Variants in IL36B observed in about 807,000 individuals in gnomAD.
The protein encoded by IL36B is interleukin-36 beta.
Under a neutral mutation model 19.3 loss-of-function variants are expected in IL36B, and 23 were observed. The ratio of observed to expected loss-of-function variants is 1.19; its 90% CI spans 0.86 to 1.69. The LOEUF (loss-of-function observed/expected upper bound fraction) is 1.69, where lower values mean the gene tolerates loss of function less well. Ranked by LOEUF, IL36B falls within the 40% of genes most tolerant of loss-of-function variation. The pLI is 0.00. For missense variants in IL36B, 217 were observed against 200.5 expected, an observed-to-expected ratio of 1.08 and a Z score of -0.50; for synonymous variants, 59 against 59.7, an observed-to-expected ratio of 0.99 and a Z score of 0.05.
intron 1 of IL36B, among the ~76,000 whole-genome samples, chr2:113,045,296 T>C (rs1021254688): frequency 3.9e-5 from 6 of 152,202 alleles, no homozygotes; most frequent in Admixed American, 2.6e-4. Context: ...GTTGCTCTAC[T>C]GCTTTCTCAC....
At chr2:113,045,129 C>A (rs1685327805) in intron 1 of IL36B, among the ~76,000 whole-genome samples, 1 of 152,032 alleles carries the variant, frequency 6.6e-6, no homozygotes, top group Non-Finnish European at 1.5e-5. Flanking sequence ...ATTTCTGGAG[C>A]TTATTTTCTG....
At chr2:113,039,271 T>A (rs1685206512) in intron 1 of IL36B, among the ~76,000 whole-genome samples, 1 of 151,798 alleles carries the variant, frequency 6.6e-6, no homozygotes. Flanking sequence ...GACAAAAAGA[T>A]CCCCAGGGTG....
At chr2:113,042,142 G>T (rs913569698) in intron 1 of IL36B, among the ~76,000 whole-genome samples, 1 of 152,140 alleles carries the variant, frequency 6.6e-6, no homozygotes, top group African/African-American at 2.4e-5. Flanking sequence ...TGTATCTGAG[G>T]CACCTGTTCA....
intron 1 of IL36B, among the ~76,000 whole-genome samples, chr2:113,051,760 G>A (rs968138708): frequency 1.3e-5 from 2 of 152,182 alleles, no homozygotes; most frequent in African/African-American, 4.8e-5. Context: ...CGGCTCCCTG[G>A]AGGCTGTGTC....
chr2:113,028,684 G>C (rs1234561997), intron 4 of IL36B, among the ~76,000 whole-genome samples: 1 of 152,142 alleles, frequency 6.6e-6, no homozygotes, highest in East Asian at 1.9e-4. Context: ...AGAAAATACT[G>C]TTCTTTGGCT....
intron 1 of IL36B, among the ~76,000 whole-genome samples, chr2:113,050,710 C>CA (rs1476402414): frequency 1.3e-5 from 2 of 151,898 alleles, no homozygotes; most frequent in African/African-American, 4.8e-5. Context: ...TCAAAAACAG[C>CA]AAAAAGGGAC....
chr2:113,023,267 ATATTTGT>A (rs1477987333), intron 5 of IL36B, among the ~76,000 whole-genome samples: 3 of 152,196 alleles, frequency 2.0e-5, no homozygotes, highest in African/African-American at 7.2e-5. Flanking sequence ...TGCTCAAAAC[ATATTTGT>A]TGAATAATTC....
chr2:113,051,722 G>A lies in IL36B; in HGVS notation c.-58+1095C>T, dbSNP rs571450234. On this transcript the variant is annotated intron_variant, in intron 1 of 5. Transcript: ENST00000259213. ...TGGCTGGGTTGGAGAGGGAGTCCTG[G>A]ATGCAGCTGGAGGTCCCCTTCTGCT... is the stretch of plus-strand genomic sequence containing the variant. Among the ~76,000 whole-genome samples the A allele has an allele frequency of 6.6e-5, 10 of 152,306 alleles. No homozygotes were observed. The East Asian group carries it at 9.7e-4, about 15-fold the overall frequency.
intron 4 of IL36B, among the ~76,000 whole-genome samples, 196 bp downstream of exon 4, chr2:113,028,743 T>G (rs923631294): frequency 6.6e-6 from 1 of 152,242 alleles, no homozygotes; most frequent in African/African-American, 2.4e-5. Context: ...AGAGGATCTA[T>G]GCTCTGACAT....
chr2:113,040,781 A>G, intron 1 of IL36B, among the ~76,000 whole-genome samples: 1 of 152,288 alleles, frequency 6.6e-6, no homozygotes, highest in East Asian at 1.9e-4. Context: ...ATGAATTAAA[A>G]GACTGAATAT....
intron 1 of IL36B, among the ~76,000 whole-genome samples, chr2:113,043,813 C>T (rs1241293231): frequency 1.3e-5 from 2 of 152,162 alleles, no homozygotes; most frequent in African/African-American, 2.4e-5. Flanking sequence ...CTAGGTCTCC[C>T]AAAGTGCTGG....
chr2:113,025,263 C>A (rs1299007204), intron 5 of IL36B, among the ~76,000 whole-genome samples: 1 of 152,178 alleles, frequency 6.6e-6, no homozygotes, highest in African/African-American at 2.4e-5. Flanking sequence ...TCTGAGCAGC[C>A]TTTCTATGTT....
intron 1 of IL36B, among the ~76,000 whole-genome samples, chr2:113,042,356 G>A (rs1033622099): frequency 2.1e-4 from 12 of 56,452 alleles, no homozygotes; most frequent in African/African-American, 8.6e-4. Flanking sequence ...ACAATAAACG[G>A]CGCAAAATAT....
At position 113,044,260 on chromosome 2, in the gene IL36B, A is replaced by ATGTGTGTGTG. The variant is rs56838257; in HGVS notation, c.-58+8547_-58+8556dup. ...TTTACTTTGATATATCTATATCTAT[A>ATGTGTGTGTG]TGTGTGTGTGTGTGTGTGTGTGTGT... On this transcript the variant is annotated intron_variant, in intron 1 of 5. Coordinates refer to ENST00000259213, the MANE Select transcript of IL36B (RefSeq NM_014438.5). Among the ~76,000 whole-genome samples, 48 of 142,544 alleles carry ATGTGTGTGTG rather than the reference A, an allele frequency of 3.4e-4. 2 individuals carry two copies. The highest frequency in any genetic ancestry group is 6.1e-4 in the Non-Finnish European group (40 of 65,296). 93.5% of individuals were successfully genotyped at this position (142,544 alleles called of 152,430 possible). A position where few individuals can be genotyped will look rare whatever the true frequency, so the allele number is the denominator to read the frequency against.
At chr2:113,033,272 G>A (rs751892846) in intron 1 of IL36B, among the ~76,000 whole-genome samples, 11 of 152,050 alleles carry the variant, frequency 7.2e-5, no homozygotes, top group Admixed American at 1.3e-4. Context: ...TCGCTCTGTC[G>A]CCAAGCTGGA....
intron 1 of IL36B, among the ~76,000 whole-genome samples, chr2:113,034,786 G>A (rs1685137909): frequency 6.6e-6 from 1 of 152,218 alleles, no homozygotes; most frequent in Non-Finnish European, 1.5e-5. Flanking sequence ...CTATCGCCAG[G>A]ATGGAGCCTC....
chr2:113,022,837 C>T (rs775728629), intron 5 of IL36B: 5 of 1,154,448 alleles, frequency 4.3e-6, no homozygotes, highest in Non-Finnish European at 6.5e-6. Context: ...GCTAAACCAC[C>T]AATTGAATAG....
chr2:113,046,385 A>G (rs571242982), intron 1 of IL36B, among the ~76,000 whole-genome samples: 192 of 151,908 alleles, frequency 1.3e-3, no homozygotes, highest in African/African-American at 4.4e-3. Flanking sequence ...AATTTTTTGT[A>G]TTTTTAGTAG....
In IL36B at chr2:113,031,751, G is replaced by C; in HGVS notation, c.-42C>G. Reference sequence around the variant, plus strand: ...TTTGTGAAGAGAACAAGATAGATCAGATGGTGGTGAGGAGGCTGTTAACAG... The same window carrying C: ...TTTGTGAAGAGAACAAGATAGATCACATGGTGGTGAGGAGGCTGTTAACAG... On this transcript the variant is annotated 5_prime_UTR_variant, in exon 2 of 6. It adds an upstream start codon to the 5' untranslated region. Transcript: ENST00000259213. 6.5e-7 allele frequency: 1 copy of C among 1,549,334 alleles called. No homozygotes were observed. Among genetic ancestry groups the C allele is most frequent in the Non-Finnish European group, 8.9e-7 (1 of 1,123,440 alleles).
Sources: gnomAD v4.1 joint callset for allele counts (sites outside exome capture counted in the v4.1 genomes callset) on GRCh38, gnomAD v4.1.1 for gene constraint, MANE v1.5 for transcripts, NCBI Gene and HGNC (gene_info 2026-07-23, HGNC 2026-07-21) for gene names.